Variants in FAM219B observed in about 807,000 individuals in gnomAD.
FAM219B encodes protein FAM219B.
FAM219B carries 18 observed loss-of-function variants against 19.9 expected under a neutral mutation model. That is an observed-to-expected ratio of 0.91 (90% CI 0.63 to 1.34). The LOEUF (loss-of-function observed/expected upper bound fraction) is 1.34. Ranked by LOEUF, FAM219B falls within the 40% of genes most tolerant of loss-of-function variation. The pLI, the probability that FAM219B is intolerant of heterozygous loss-of-function variation, is 0.00. For missense variants in FAM219B, 283 were observed against 270.5 expected, an observed-to-expected ratio of 1.05 and a Z score of -0.32; for synonymous variants, 123 against 117.5, an observed-to-expected ratio of 1.05 and a Z score of -0.30.
Position 74,905,249 on chromosome 15 carries a change from A to C in FAM219B, c.303-18T>G. 1 of 1,611,642 alleles carries C rather than the reference A, an allele frequency of 6.2e-7. No individual in the cohort carries two copies. The highest frequency in any genetic ancestry group is 8.5e-7 in the Non-Finnish European group (1 of 1,178,116). On this transcript the variant is annotated intron_variant, in intron 2 of 4. Transcript: ENST00000357635. ...TCACTGACCTGAGGGGAGACGGGGG[A>C]GAAGAGACCAAACATAGATGAAAGC...
Position 74,902,694 on chromosome 15 carries a change from A to G in FAM219B, c.522T>C (p.Pro174=). 6.2e-7 allele frequency: 1 copy of G among 1,613,232 alleles called. No individual in the cohort carries two copies. Among genetic ancestry groups the G allele is most frequent in the Non-Finnish European group, 8.5e-7 (1 of 1,179,604 alleles). The change falls in exon 5 of 5, where the codon CCT becomes CCC. Residue 174 remains proline, a synonymous_variant. Coordinates refer to ENST00000357635, the MANE Select transcript of FAM219B (RefSeq NM_020447.5). ...PDDEDLDLIP[P]KPMASSTCSC... is the part of the protein sequence containing the mutation. ...AGCATGTTGAAGAGGCCATGGGCTT[A>G]GGGGGGATGAGGTCCAAGTCCTCGT...
At position 74,905,340 on chromosome 15, in the gene FAM219B, A is replaced by C; in HGVS notation, c.303-109T>G. The C allele has an allele frequency of 2.8e-6, 3 of 1,064,438 alleles. No individual in the cohort carries two copies. In the South Asian group the frequency reaches 4.1e-5, roughly 14 times the overall value. The allele number at this position is 1,064,438 out of a possible 1,614,324, so 65.9% of individuals were successfully genotyped here. On this transcript the variant is annotated intron_variant, in intron 2 of 4. Transcript: ENST00000357635. ...GGAGAAAGAATTGACTGCACTACTGACTTGCCTTCTCCCTGGTCACAGCCA... is the reference window on the plus strand; with the variant it reads ...GGAGAAAGAATTGACTGCACTACTGCCTTGCCTTCTCCCTGGTCACAGCCA...
At chr15:74,904,747 T>C (rs759319119) in intron 3 of FAM219B, 35 bp from the exon 4 acceptor site, 1 of 1,613,532 alleles carries the variant, frequency 6.2e-7, no homozygotes, top group South Asian at 1.1e-5. Context: ...TTCCGGGAGG[T>C]ACCTGTGGTG....
chr15:74,905,990 G>A, intron 2 of FAM219B: 2 of 393,286 alleles, frequency 5.1e-6, no homozygotes, highest in South Asian at 7.7e-5. Context: ...CGTCCTCATT[G>A]CTGGGGACTC....
chr15:74,906,432 G>A (rs1351790966), intron 1 of FAM219B, 67 bp from the exon 2 acceptor site: 17 of 1,556,236 alleles, frequency 1.1e-5, no homozygotes, highest in Non-Finnish European at 1.5e-5. Flanking sequence ...AAGGCTGGGA[G>A]GCCGCTCTTT....
At position 74,900,718 on chromosome 15, in the gene FAM219B, T is replaced by C. The variant is rs2064918769; in HGVS notation, c.*1901A>G. ...AGTGCTCAGAATGTTGGCCACTGCA[T>C]AGAGCTGCAGAGTCCCATTCCAGAA... On this transcript the variant is annotated 3_prime_UTR_variant, in exon 5 of 5. Coordinates refer to ENST00000357635, the MANE Select transcript of FAM219B (RefSeq NM_020447.5). The C allele has an allele frequency of 1.3e-5, 2 of 152,262 alleles. No homozygotes were observed. Among genetic ancestry groups the C allele is most frequent in the South Asian group, 4.1e-4 (2 of 4,840 alleles). 9.4% of individuals were successfully genotyped at this position (152,262 alleles called of 1,614,324 possible). A position where few individuals can be genotyped will look rare whatever the true frequency, so the allele number is the denominator to read the frequency against.
chr15:74,898,050 C>A (rs1190021260), downstream of FAM219B: 1 of 421,530 alleles, frequency 2.4e-6, no homozygotes, highest in Non-Finnish European at 4.5e-6. Context: ...AATATGTGAC[C>A]CAGCATTAGC....
At chr15:74,904,639 G>A (rs1402565940) in intron 4 of FAM219B, 25 bp downstream of exon 4, 1 of 1,614,038 alleles carries the variant, frequency 6.2e-7, no homozygotes, top group South Asian at 1.1e-5. Flanking sequence ...GCCTGGCCCT[G>A]CACAGAAAGG....
In FAM219B at chr15:74,905,158, CAG is replaced by C. The variant is rs1262651874; in HGVS notation, c.374_375del (p.Ser125Ter). On this transcript the variant is annotated frameshift_variant, in exon 3 of 5. Transcript: ENST00000357635. LOFTEE classifies it high-confidence loss of function. ...SPDENLVSLD[S>X]DSDGELGSRY... Reference sequence around the variant, plus strand: ...ATTTCCAAGGGGAGCACTCACCTGTCAGAGTCGAGGGACACCAGGTTTTCATC... The same window carrying C: ...ATTTCCAAGGGGAGCACTCACCTGTCAGTCGAGGGACACCAGGTTTTCATC... 6.2e-7 allele frequency: 1 copy of C among 1,614,092 alleles called. No homozygotes were observed. Among genetic ancestry groups the C allele is most frequent in the Non-Finnish European group, 8.5e-7 (1 of 1,179,972 alleles).
At chr15:74,899,966 C>T (rs1367891758), downstream of FAM219B, 4 of 152,224 alleles carry the variant, frequency 2.6e-5, no homozygotes, top group African/African-American at 9.7e-5. Flanking sequence ...CCTTTAAAAT[C>T]CACTGCAACA....
chr15:74,905,297 C>A lies in FAM219B; in HGVS notation c.303-66G>T. On this transcript the variant is annotated intron_variant, in intron 2 of 4. Coordinates refer to ENST00000357635, the MANE Select transcript of FAM219B (RefSeq NM_020447.5). ...AGCATAGGCATTTCACAGGGATAGG[C>A]AGAGTCCTCGCCCTGAAGGAGAAAG... is the stretch of plus-strand genomic sequence containing the variant. The A allele has an allele frequency of 4.0e-6, 6 of 1,505,876 alleles. No individual in the cohort carries two copies. The South Asian group carries it at 5.7e-5, about 14-fold the overall frequency. The allele number at this position is 1,505,876 out of a possible 1,614,324, so 93.3% of individuals were successfully genotyped here. A position where few individuals can be genotyped will look rare whatever the true frequency, so the allele number is the denominator to read the frequency against.
chr15:74,906,750 TC>T lies in FAM219B; in HGVS notation c.50del (p.Gly17AspfsTer45). The T allele has an allele frequency of 7.6e-7, 1 of 1,322,914 alleles. No homozygotes were observed. 81.9% of individuals were successfully genotyped at this position (1,322,914 alleles called of 1,614,324 possible). A position where few individuals can be genotyped will look rare whatever the true frequency, so the allele number is the denominator to read the frequency against. On this transcript the variant is annotated frameshift_variant, in exon 1 of 5. Transcript: ENST00000357635. LOFTEE classifies it high-confidence loss of function. Reference sequence around the variant, plus strand: ...GGTCCCGAGCCCCGCTGGGCCGGGGTCCCGGGGTAGACAACCGCAACGCGCG... The same window carrying T: ...GGTCCCGAGCCCCGCTGGGCCGGGGTCCGGGGTAGACAACCGCAACGCGCG... ...SGRALRLSTP[G>X]PRPSGARDRA... is the part of the protein sequence containing the mutation.
chr15:74,898,084 C>T, downstream of FAM219B: 1 of 383,392 alleles, frequency 2.6e-6, no homozygotes, highest in South Asian at 2.1e-5. Flanking sequence ...GAGCAAGAGA[C>T]CAGGTAATTT....
At position 74,906,351 on chromosome 15, in the gene FAM219B, G is replaced by A. The variant is rs1175611238; in HGVS notation, c.229C>T (p.Leu77=). The A allele has an allele frequency of 1.2e-6, 2 of 1,612,124 alleles. No homozygotes were observed. Among genetic ancestry groups the A allele is most frequent in the Admixed American group, 3.3e-5 (2 of 59,878 alleles). ...IQAKLQKHRD[L]AKAVLRRKGM... is the part of the protein sequence containing the mutation. ...TTTCTCCGCAGAACGGCCTTGGCCA[G>A]GTCCCGGTGCTTCTCTGGAAGTTAA... The change falls in exon 2 of 5, where the codon CTG becomes TTG. Residue 77 remains leucine (L), a synonymous_variant. Coordinates refer to ENST00000357635, the MANE Select transcript of FAM219B (RefSeq NM_020447.5).
In FAM219B at chr15:74,901,981, G is replaced by C. The variant is rs2064978256; in HGVS notation, c.*638C>G. On this transcript the variant is annotated 3_prime_UTR_variant, in exon 5 of 5. Coordinates refer to ENST00000357635, the MANE Select transcript of FAM219B (RefSeq NM_020447.5). ...GGTTGGACCAGTTGGGGATGCCCCA[G>C]GTCCAGGGATTCTGGAAGCCAGGAT... 1 of 397,172 alleles carries C rather than the reference G, an allele frequency of 2.5e-6. No homozygotes were observed. The highest frequency in any genetic ancestry group is 1.4e-4 in the South Asian group (1 of 7,136). 24.6% of individuals were successfully genotyped at this position (397,172 alleles called of 1,614,324 possible).
rs770491887 is a variant in FAM219B, at chr15:74,904,733, T to A, written c.381-21A>T. ...CATCACTAGGAGAAGAGGAAAACAG[T>A]CAGTTCCGGGAGGTACCTGTGGTGC... On this transcript the variant is annotated intron_variant, in intron 3 of 4. Coordinates refer to ENST00000357635, the MANE Select transcript of FAM219B (RefSeq NM_020447.5). The A allele has an allele frequency of 1.8e-5, 29 of 1,614,020 alleles. No homozygotes were observed. In the African/African-American group the frequency reaches 3.3e-4, roughly 19 times the overall value.
chr15:74,899,808 G>A (rs1022382726), downstream of FAM219B: 1 of 152,154 alleles, frequency 6.6e-6, no homozygotes, highest in Non-Finnish European at 1.5e-5. Flanking sequence ...ATTTTTAGTA[G>A]AGACGGGGTT....
At chr15:74,903,493 C>G (rs1211796796) in intron 4 of FAM219B, among the ~76,000 whole-genome samples, 2 of 146,018 alleles carry the variant, frequency 1.4e-5, no homozygotes, top group African/African-American at 5.1e-5. Flanking sequence ...CCCAGCTACT[C>G]GGGAGGCTGA....
intron 4 of FAM219B, among the ~76,000 whole-genome samples, chr15:74,903,558 G>T (rs922954475): frequency 2.3e-5 from 3 of 131,840 alleles, no homozygotes. Flanking sequence ...CTGAGATCAT[G>T]CCACTGCACT....
Sources: gnomAD v4.1 joint callset for allele counts (sites outside exome capture counted in the v4.1 genomes callset) on GRCh38, gnomAD v4.1.1 for gene constraint, MANE v1.5 for transcripts, NCBI Gene and HGNC (gene_info 2026-07-23, HGNC 2026-07-21) for gene names.